The following HTRA3 variants were observed in gnomAD, a reference collection of about 807,000 sequenced individuals.
The protein encoded by HTRA3 is HtrA serine peptidase 3.
HTRA3 carries 41 observed loss-of-function variants against 43.2 expected under a neutral mutation model. The ratio of observed to expected loss-of-function variants is 0.95; its 90% CI spans 0.74 to 1.23. HTRA3 has a LOEUF of 1.23. Among genes scored for constraint, HTRA3 ranks in the 50% most tolerant of loss-of-function variants. The pLI, the probability that HTRA3 is intolerant of heterozygous loss-of-function variation, is 0.00. For synonymous variants in HTRA3, 295 were observed against 287.9 expected, an observed-to-expected ratio of 1.02 and a Z score of -0.25; for missense variants, 628 against 647.1, an observed-to-expected ratio of 0.97 and a Z score of 0.32.
chr4:8,290,421 A>G (rs2153005862), intron 3 of HTRA3, among the ~76,000 whole-genome samples: 1 of 152,358 alleles, frequency 6.6e-6, no homozygotes, highest in Non-Finnish European at 1.5e-5. Flanking sequence ...GTCCTGCCCC[A>G]CTGATCTCCT....
At position 8,295,701 on chromosome 4, in the gene HTRA3, C is replaced by T. The variant is rs1003021343; in HGVS notation, c.1051+1500C>T. The T allele has an allele frequency of 7.0e-7, 1 of 1,420,676 alleles. No homozygotes were observed. Among genetic ancestry groups the T allele is most frequent in the Non-Finnish European group, 9.2e-7 (1 of 1,085,414 alleles). The allele number at this position is 1,420,676 out of a possible 1,614,324, so 88.0% of individuals were successfully genotyped here. On this transcript the variant is annotated intron_variant, in intron 6 of 8. Coordinates refer to ENST00000307358, the MANE Select transcript of HTRA3 (RefSeq NM_053044.5). This position sits in a 1 kb window ranked among gnomAD's most constrained non-coding sequence, Gnocchi z 6.9. ...CTTTGCTGTCTCCTCCCAGCCCCCTCACTGGCAGTTCATTGAGAGCAGGGG... is the reference window on the plus strand; with the variant it reads ...CTTTGCTGTCTCCTCCCAGCCCCCTTACTGGCAGTTCATTGAGAGCAGGGG...
intron 1 of HTRA3, among the ~76,000 whole-genome samples, chr4:8,274,644 A>G (rs1222128312): frequency 6.6e-6 from 1 of 152,218 alleles, no homozygotes; most frequent in East Asian, 1.9e-4. Context: ...AAGGCATCGC[A>G]GTTGCACAGA....
chr4:8,272,517 C>T (rs952508041), intron 1 of HTRA3, among the ~76,000 whole-genome samples: 2 of 152,214 alleles, frequency 1.3e-5, no homozygotes, highest in African/African-American at 2.4e-5. Context: ...AAATGAGAAG[C>T]GGGGACCTGC....
intron 2 of HTRA3, among the ~76,000 whole-genome samples, chr4:8,283,591 TG>T (rs1201707801): frequency 6.6e-6 from 1 of 152,252 alleles, no homozygotes; most frequent in African/African-American, 2.4e-5. Context: ...CATCCACCTT[TG>T]CTGGCCCTTT....
intron 1 of HTRA3, among the ~76,000 whole-genome samples, chr4:8,273,273 C>T (rs1400008747): frequency 6.6e-6 from 1 of 152,216 alleles, no homozygotes; most frequent in African/African-American, 2.4e-5. Flanking sequence ...GCTCAGCCTC[C>T]ATGGAGTATT....
chr4:8,282,877 CGGA>C (rs1043086870), intron 2 of HTRA3, among the ~76,000 whole-genome samples: 1 of 152,162 alleles, frequency 6.6e-6, no homozygotes, highest in African/African-American at 2.4e-5. Context: ...CAGAACCCAG[CGGA>C]GGAGATGCCA....
intron 1 of HTRA3, 48 bp from the exon 2 acceptor site, chr4:8,282,389 G>A (rs1299450991): frequency 2.1e-6 from 3 of 1,440,602 alleles, no homozygotes; most frequent in Admixed American, 1.8e-5. Context: ...CTGGGAGCTG[G>A]CAGCATCGTG....
At position 8,296,571 on chromosome 4, in the gene HTRA3, G is replaced by A; in HGVS notation, c.1051+2370G>A. On this transcript the variant is annotated intron_variant, in intron 6 of 8. Transcript: ENST00000307358. This position sits in a 1 kb window ranked among gnomAD's most constrained non-coding sequence, Gnocchi z 5.3. ...TATTCTCGTCTGGAGGTGGGGTGCA[G>A]AGGCCTCTGAGGGGCTTTCAGGGTA... The A allele has an allele frequency of 2.1e-6, 2 of 973,680 alleles. No individual in the cohort carries two copies. Among genetic ancestry groups the A allele is most frequent in the Non-Finnish European group, 2.4e-6 (2 of 819,336 alleles). The allele number at this position is 973,680 out of a possible 1,614,324, so 60.3% of individuals were successfully genotyped here.
At chr4:8,273,762 C>A (rs1712403355) in intron 1 of HTRA3, among the ~76,000 whole-genome samples, 1 of 152,038 alleles carries the variant, frequency 6.6e-6, no homozygotes, top group Non-Finnish European at 1.5e-5. Context: ...CCCCTCACTC[C>A]CCTCAATGCC....
At chr4:8,273,035 G>T (rs890059293) in intron 1 of HTRA3, among the ~76,000 whole-genome samples, 1 of 152,200 alleles carries the variant, frequency 6.6e-6, no homozygotes, top group Non-Finnish European at 1.5e-5. Context: ...CATTTCCCAC[G>T]GCAAGCCTGG....
chr4:8,298,808 A>C (rs1199660431), intron 6 of HTRA3, among the ~76,000 whole-genome samples: 1 of 152,226 alleles, frequency 6.6e-6, no homozygotes. Context: ...CCAAAAGAGA[A>C]TGACCATGTG....
At chr4:8,284,203 C>T (rs1712868331) in intron 2 of HTRA3, among the ~76,000 whole-genome samples, 1 of 152,198 alleles carries the variant, frequency 6.6e-6, no homozygotes, top group Admixed American at 6.5e-5. Context: ...CTCACTGCCC[C>T]CTTGGCAGCA....
intron 5 of HTRA3, 41 bp downstream of exon 5, chr4:8,292,394 G>T (rs1713284806): frequency 2.5e-6 from 4 of 1,579,956 alleles, no homozygotes. Flanking sequence ...GGTTTCTGGG[G>T]TTCTTCTCAC....
intron 8 of HTRA3, among the ~76,000 whole-genome samples, chr4:8,304,643 G>GTTTTTTTTTTTTTTTTTT (rs140790982): frequency 1.6e-5 from 1 of 62,736 alleles, no homozygotes; most frequent in Non-Finnish European, 2.8e-5. Context: ...TCAGCCTATT[G>GTTTTTTTTTTTTTTTTTT]TTTTTTTTTT....
In HTRA3 at chr4:8,295,569, A is replaced by G; in HGVS notation, c.1051+1368A>G. 2 of 599,650 alleles carry G rather than the reference A, an allele frequency of 3.3e-6. No individual in the cohort carries two copies. The highest frequency in any genetic ancestry group is 5.8e-5 in the South Asian group (1 of 17,154). 37.1% of individuals were successfully genotyped at this position (599,650 alleles called of 1,614,324 possible). ...CTTTCCTGGGGGCCTCTCCCTCCCC[A>G]CCTTCTCTTCAGCCCTAGTGAGCTT... On this transcript the variant is annotated intron_variant, in intron 6 of 8. Coordinates refer to ENST00000307358, the MANE Select transcript of HTRA3 (RefSeq NM_053044.5). The surrounding 1 kb of genome is among the most constrained non-coding windows in gnomAD (Gnocchi z 6.9).
intron 1 of HTRA3, among the ~76,000 whole-genome samples, chr4:8,271,621 G>T (rs1403512106): frequency 6.6e-6 from 1 of 152,214 alleles, no homozygotes. Flanking sequence ...AGCTCTGGAG[G>T]CTGGAAAGTT....
At chr4:8,294,506 G>C (rs1161887375) in intron 6 of HTRA3, among the ~76,000 whole-genome samples, 1 of 150,684 alleles carries the variant, frequency 6.6e-6, no homozygotes, top group Non-Finnish European at 1.5e-5. Flanking sequence ...CAGCTTCCTG[G>C]ACTCCCTGGG....
At position 8,286,482 on chromosome 4, in the gene HTRA3, G is replaced by A. The variant is rs1712970170; in HGVS notation, c.486-79G>A. The A allele has an allele frequency of 8.6e-7, 1 of 1,160,338 alleles. No individual in the cohort carries two copies. The highest frequency in any genetic ancestry group is 1.3e-6 in the Non-Finnish European group (1 of 781,118). 71.9% of individuals were successfully genotyped at this position (1,160,338 alleles called of 1,614,324 possible). A position where few individuals can be genotyped will look rare whatever the true frequency, so the allele number is the denominator to read the frequency against. Reference sequence around the variant, plus strand: ...CCACACACTGGCTCTGCTCCTCGCTGACCAGCCCCACCACTGCGCCTGACT... The same window carrying A: ...CCACACACTGGCTCTGCTCCTCGCTAACCAGCCCCACCACTGCGCCTGACT... On this transcript the variant is annotated intron_variant, in intron 2 of 8. Transcript: ENST00000307358. This position sits in a 1 kb window ranked among gnomAD's most constrained non-coding sequence, Gnocchi z 4.9.
At chr4:8,305,660 T>C (rs1444080241) in intron 8 of HTRA3, among the ~76,000 whole-genome samples, 1 of 152,014 alleles carries the variant, frequency 6.6e-6, no homozygotes, top group African/African-American at 2.4e-5. Context: ...CGTTTCCACA[T>C]AGGATGGTAG....
Sources: gnomAD v4.1 joint callset for allele counts (sites outside exome capture counted in the v4.1 genomes callset) on GRCh38, gnomAD v4.1.1 for gene constraint, Gnocchi (gnomAD v3.1) non-coding constraint, MANE v1.5 for transcripts, NCBI Gene and HGNC (gene_info 2026-07-23, HGNC 2026-07-21) for gene names.